Variants in DOCK1 observed in about 807,000 individuals in gnomAD.
DOCK1 encodes the protein dedicator of cytokinesis 1.
A neutral mutation model predicts 262.7 loss-of-function variants in DOCK1; 138 were observed. The ratio of observed to expected loss-of-function variants is 0.53; its 90% CI spans 0.46 to 0.61. The LOEUF is 0.61. Ranked by LOEUF, DOCK1 falls within the 20% of genes least tolerant of loss-of-function variation. The probability of loss-of-function intolerance (pLI) is 0.00; values close to 1 mark genes in which losing one functional copy is unlikely to be tolerated. For synonymous variants in DOCK1, 866 were observed against 867.4 expected, an observed-to-expected ratio of 1.00 and a Z score of 0.03; for missense variants, 1,908 against 2,370.7, an observed-to-expected ratio of 0.80 and a Z score of 4.05.
intron 28 of DOCK1, among the ~76,000 whole-genome samples, chr10:127,255,697 CTT>C (rs1036086340): frequency 6.6e-6 from 1 of 152,136 alleles, no homozygotes; most frequent in African/African-American, 2.4e-5. Flanking sequence ...GACTGTGTCT[CTT>C]AGAAAAGAAA....
intron 1 of DOCK1, among the ~76,000 whole-genome samples, chr10:126,912,555 T>C (rs562305543): frequency 1.1e-3 from 172 of 150,274 alleles, no homozygotes; most frequent in African/African-American, 4.1e-3. Context: ...TGAAACCCTG[T>C]CTCTACTAAA....
At chr10:126,987,435 T>C (rs2039486367) in intron 4 of DOCK1, 86 bp from the exon 5 acceptor site, 2 of 1,077,944 alleles carry the variant, frequency 1.9e-6, no homozygotes, top group Non-Finnish European at 2.7e-6. Flanking sequence ...CTGAACGCTA[T>C]GGCCTAGATG....
intron 29 of DOCK1, among the ~76,000 whole-genome samples, chr10:127,307,978 C>A (rs534875825): frequency 2.0e-5 from 3 of 152,232 alleles, no homozygotes; most frequent in Non-Finnish European, 4.4e-5. Context: ...GTGGCTGGCT[C>A]CATTTGAGAC....
intron 27 of DOCK1, among the ~76,000 whole-genome samples, chr10:127,170,884 C>A (rs1227855726): frequency 6.6e-6 from 1 of 152,146 alleles, no homozygotes. Context: ...TCATGCAAGC[C>A]CGCACTGCAT....
intron 49 of DOCK1, among the ~76,000 whole-genome samples, chr10:127,440,920 A>G (rs1184757894): frequency 6.6e-6 from 1 of 152,210 alleles, no homozygotes; most frequent in East Asian, 1.9e-4. Context: ...TATTCTGGAA[A>G]GTTGAGATGC....
At chr10:127,404,595 A>C (rs2058428178) in intron 40 of DOCK1, among the ~76,000 whole-genome samples, 166 bp downstream of exon 40, 1 of 152,096 alleles carries the variant, frequency 6.6e-6, no homozygotes, top group Non-Finnish European at 1.5e-5. Context: ...GGTTGACAGG[A>C]TTTTATTTGG....
At chr10:127,111,000 G>A (rs2048831609) in intron 25 of DOCK1, among the ~76,000 whole-genome samples, 2 of 152,168 alleles carry the variant, frequency 1.3e-5, no homozygotes, top group South Asian at 4.1e-4. Flanking sequence ...TGTGAAGTCT[G>A]TTGAGTGACA....
chr10:127,015,350 C>T (rs1021374744), intron 12 of DOCK1, among the ~76,000 whole-genome samples: 16 of 152,102 alleles, frequency 1.1e-4, no homozygotes, highest in African/African-American at 3.6e-4. Flanking sequence ...TGAGCGCCCC[C>T]GCCCCCTCTG....
intron 29 of DOCK1, among the ~76,000 whole-genome samples, chr10:127,274,485 C>T (rs557684327): frequency 1.3e-5 from 2 of 152,172 alleles, no homozygotes; most frequent in Admixed American, 6.5e-5. Context: ...GGAGGGCCAG[C>T]GAGAGCCCTG....
intron 27 of DOCK1, among the ~76,000 whole-genome samples, chr10:127,149,944 G>C (rs945118055): frequency 1.3e-5 from 2 of 152,154 alleles, no homozygotes; most frequent in Non-Finnish European, 2.9e-5. Flanking sequence ...CTAAGAGCCA[G>C]GCTTTGATCT....
At chr10:127,225,587 C>T (rs2058604868) in intron 27 of DOCK1, among the ~76,000 whole-genome samples, 1 of 152,210 alleles carries the variant, frequency 6.6e-6, no homozygotes, top group Non-Finnish European at 1.5e-5. Flanking sequence ...ACACACCAGA[C>T]TGAAGGATTT....
chr10:126,921,627 C>T (rs1272458311), intron 1 of DOCK1, among the ~76,000 whole-genome samples: 1 of 148,784 alleles, frequency 6.7e-6, no homozygotes, highest in African/African-American at 2.5e-5. Flanking sequence ...TACTTGAGGA[C>T]GGGTGAGAGA....
At chr10:126,931,192 GT>G (rs2034161231) in intron 1 of DOCK1, among the ~76,000 whole-genome samples, 1 of 152,180 alleles carries the variant, frequency 6.6e-6, no homozygotes, top group East Asian at 1.9e-4. Flanking sequence ...ACAACAGTGT[GT>G]TTTCACTGCA....
rs1040725195 is a variant in DOCK1 at position 127,163,984 on chromosome 10, A to G, written c.2847+36220A>G. Among the ~76,000 whole-genome samples the G allele has an allele frequency of 3.3e-5, 5 of 151,704 alleles. No individual in the cohort carries two copies. The South Asian group carries it at 6.3e-4, about 19-fold the overall frequency. ...GGCTCTGGCTGTTAGGGAAGTTTTA[A>G]TGCTTGTTTTCATTATCAAGAATTA... On this transcript the variant is annotated intron_variant, in intron 27 of 51. Coordinates refer to ENST00000623213, the MANE Select transcript of DOCK1 (RefSeq NM_001290223.2).
chr10:127,432,775 A>G (rs1399227227), intron 47 of DOCK1, among the ~76,000 whole-genome samples: 2 of 152,224 alleles, frequency 1.3e-5, no homozygotes, highest in African/African-American at 4.8e-5. Context: ...CAGTGGCTTC[A>G]GTCACTTGCA....
At position 127,225,686 on chromosome 10, in the gene DOCK1, A is replaced by G. The variant is rs116223325; in HGVS notation, c.2848-22322A>G. On this transcript the variant is annotated intron_variant, in intron 27 of 51. Transcript: ENST00000623213. ...TGTTGGATCCCTAGCTTAGAAAGTT[A>G]CCAGTACCCTTTTTAATTTTTTACT... Among the ~76,000 whole-genome samples, 1,312 of 152,308 alleles carry G rather than the reference A, an allele frequency of 8.6e-3. 22 individuals are homozygous for G. Among genetic ancestry groups the G allele is most frequent in the African/African-American group, 0.03 (1,246 of 41,568 alleles).
At chr10:127,067,669 A>G (rs1200257020) in intron 23 of DOCK1, among the ~76,000 whole-genome samples, 1 of 152,138 alleles carries the variant, frequency 6.6e-6, no homozygotes, top group Non-Finnish European at 1.5e-5. Flanking sequence ...TTTCAGTTAA[A>G]AAAAAATTGC....
intron 36 of DOCK1, 123 bp from the exon 37 acceptor site, chr10:127,381,155 T>G: frequency 1.2e-5 from 9 of 749,742 alleles, no homozygotes; most frequent in Non-Finnish European, 1.7e-5. Flanking sequence ...TTTTGAATTA[T>G]GAACATTGTA....
Position 127,175,256 on chromosome 10 carries a change from C to T in DOCK1, c.2847+47492C>T, listed in dbSNP as rs772766765. ...CTTTTTCCAACTCCTGAATGACCCC[C>T]AAGAGCACTTTGATGGTTTCTTGGC... On this transcript the variant is annotated intron_variant, in intron 27 of 51. Coordinates refer to ENST00000623213, the MANE Select transcript of DOCK1 (RefSeq NM_001290223.2). The surrounding 1 kb of genome is among the most constrained non-coding windows in gnomAD (Gnocchi z 6.3). 5 of 1,614,044 alleles carry T rather than the reference C, an allele frequency of 3.1e-6. No homozygotes were observed. The highest frequency in any genetic ancestry group is 2.2e-5 in the East Asian group (1 of 44,894).
Sources: gnomAD v4.1 joint callset for allele counts (sites outside exome capture counted in the v4.1 genomes callset) on GRCh38, gnomAD v4.1.1 for gene constraint, Gnocchi (gnomAD v3.1) non-coding constraint, MANE v1.5 for transcripts, NCBI Gene and HGNC (gene_info 2026-07-23, HGNC 2026-07-21) for gene names.